Variants in EIF2AK3 observed in about 807,000 individuals in gnomAD.
The protein encoded by EIF2AK3 is eukaryotic translation initiation factor 2 alpha kinase 3, also known as eukaryotic translation initiation factor 2-alpha kinase 3.
Under a neutral mutation model 113.5 loss-of-function variants are expected in EIF2AK3, and 50 were observed. The observed-to-expected ratio is 0.44, with a 90% confidence interval of 0.35 to 0.56. EIF2AK3 has a LOEUF of 0.56. Ranked by LOEUF, EIF2AK3 falls within the 20% of genes least tolerant of loss-of-function variation. The pLI is 0.00. For synonymous variants in EIF2AK3, 448 were observed against 495.4 expected, an observed-to-expected ratio of 0.90 and a Z score of 1.27; for missense variants, 1,185 against 1,378.0, an observed-to-expected ratio of 0.86 and a Z score of 2.22.
At chr2:88,627,538 T>C (rs890774467), upstream of EIF2AK3, 7 of 386,038 alleles carry the variant, frequency 1.8e-5, no homozygotes, top group African/African-American at 4.2e-5. Flanking sequence ...TGCCACTCCA[T>C]GTTCCCAGGC....
intron 2 of EIF2AK3, among the ~76,000 whole-genome samples, chr2:88,602,726 T>C (rs1290484017): frequency 1.3e-5 from 2 of 152,100 alleles, no homozygotes; most frequent in East Asian, 1.9e-4. Flanking sequence ...ATTAATGTTC[T>C]CACTTGTAAG....
In EIF2AK3 at chr2:88,590,570, C is replaced by G. The variant is rs1674860699; in HGVS notation, c.1038G>C (p.Lys346Asn). ...CTPIASAWLL[K>N]DGKVIPISLF... The stretch of plus-strand genomic sequence containing the variant: ...GACTGATGGGAATGACTTTCCCATC[C>G]TTAAGTAACCAGGCAGATGCAATTG... Residue 346 changes from lysine to asparagine, a missense_variant, in exon 6 of 17, where the codon AAG (lysine) becomes AAC (asparagine). Transcript: ENST00000303236. 26 of 1,613,138 alleles carry G rather than the reference C, an allele frequency of 1.6e-5. No individual in the cohort carries two copies. Among genetic ancestry groups the G allele is most frequent in the Non-Finnish European group, 2.0e-5 (24 of 1,179,930 alleles).
chr2:88,626,999 T>C lies in EIF2AK3; in HGVS notation c.276A>G (p.Pro92=). ...AGEQEPRGPE[P]DDETELRPRG... is the part of the protein sequence containing the mutation. ...GCGGTCGCAACTCTGTCTCATCGTC[T>C]GGTTCCGGACCCCGAGGCTCCTGCT... Residue 92 remains proline, a synonymous_variant, in exon 1 of 17, where the codon CCA becomes CCG. Coordinates refer to ENST00000303236, the MANE Select transcript of EIF2AK3 (RefSeq NM_004836.7). The C allele has an allele frequency of 1.2e-6, 2 of 1,609,162 alleles. No homozygotes were observed. The highest frequency in any genetic ancestry group is 1.3e-5 in the African/African-American group (1 of 74,756).
chr2:88,593,161 T>C, intron 4 of EIF2AK3, 111 bp downstream of exon 4: 3 of 1,289,674 alleles, frequency 2.3e-6, no homozygotes, highest in African/African-American at 1.5e-5. Context: ...TATATATATA[T>C]GCTTTTAAGG....
intron 9 of EIF2AK3, 54 bp from the exon 10 acceptor site, chr2:88,583,596 C>G (rs1674649290): frequency 2.3e-6 from 3 of 1,277,352 alleles, no homozygotes; most frequent in Middle Eastern, 1.8e-4. Flanking sequence ...CTGAAGTTAG[C>G]TAACAATTTT....
chr2:88,565,653 A>G (rs1457371343), intron 14 of EIF2AK3, among the ~76,000 whole-genome samples: 3 of 152,172 alleles, frequency 2.0e-5, no homozygotes, highest in Non-Finnish European at 2.9e-5. Flanking sequence ...TTTAATATCA[A>G]TTCTGTTGTA....
intron 14 of EIF2AK3, among the ~76,000 whole-genome samples, chr2:88,563,197 ACTT>A (rs1478514009): frequency 1.3e-5 from 2 of 152,234 alleles, no homozygotes; most frequent in Non-Finnish European, 2.9e-5. Context: ...CCATACCAGT[ACTT>A]CTTAACTGGG....
intron 14 of EIF2AK3, 86 bp from the exon 15 acceptor site, chr2:88,562,476 T>C (rs2104387441): frequency 9.1e-7 from 1 of 1,102,910 alleles, no homozygotes; most frequent in East Asian, 2.4e-5. Context: ...CAAAGTTTAC[T>C]TAGTCACTTC....
At chr2:88,565,034 A>G (rs1163247882) in intron 14 of EIF2AK3, among the ~76,000 whole-genome samples, 3 of 151,526 alleles carry the variant, frequency 2.0e-5, no homozygotes, top group Non-Finnish European at 4.4e-5. Flanking sequence ...ACAATTAAAA[A>G]GGTGTTTTTT....
chr2:88,586,077 T>C lies in EIF2AK3; in HGVS notation c.1430-16A>G. 6.2e-7 allele frequency: 1 copy of C among 1,608,382 alleles called. No homozygotes were observed. The highest frequency in any genetic ancestry group is 1.3e-5 in the African/African-American group (1 of 74,664). ...TAACCATTATCTTCAAATAGAAACA[T>C]TAAAACGTTTTTTTTAAAGGTAATC... On this transcript the variant is annotated splice_polypyrimidine_tract_variant and intron_variant, in intron 8 of 16. Coordinates refer to ENST00000303236, the MANE Select transcript of EIF2AK3 (RefSeq NM_004836.7).
Position 88,571,049 on chromosome 2 carries a change from G to A in EIF2AK3, c.2818-8C>T, listed in dbSNP as rs1192785617. The A allele has an allele frequency of 2.5e-6, 4 of 1,614,060 alleles. No individual in the cohort carries two copies. Among genetic ancestry groups the A allele is most frequent in the Non-Finnish European group, 2.5e-6 (3 of 1,179,966 alleles). Reference sequence around the variant, plus strand: ...AAAGAATATGTTGGATGGCTGGAAAGAATACAACAGACAAAAGTACAGTGG... The same window carrying A: ...AAAGAATATGTTGGATGGCTGGAAAAAATACAACAGACAAAAGTACAGTGG... On this transcript the variant is annotated splice_region_variant and splice_polypyrimidine_tract_variant and intron_variant, in intron 13 of 16. Transcript: ENST00000303236.
chr2:88,598,732 T>C (rs1338044241), intron 2 of EIF2AK3, among the ~76,000 whole-genome samples: 1 of 152,172 alleles, frequency 6.6e-6, no homozygotes, highest in Non-Finnish European at 1.5e-5. Flanking sequence ...TATTATTAGG[T>C]CAACTGACAA....
chr2:88,626,627 AAG>A (rs1481881072), intron 1 of EIF2AK3, among the ~76,000 whole-genome samples: 2 of 152,256 alleles, frequency 1.3e-5, no homozygotes, highest in Non-Finnish European at 2.9e-5. Context: ...CGTAAGGAAA[AAG>A]AGGGAAAGGT....
intron 2 of EIF2AK3, among the ~76,000 whole-genome samples, chr2:88,606,300 T>TA (rs533854294): frequency 0.15 from 21,742 of 146,984 alleles, 2,697 homozygotes; most frequent in African/African-American, 0.35. Context: ...GTCAATTTCC[T>TA]AAAAAAATAA....
At chr2:88,601,740 T>C (rs1675151889) in intron 2 of EIF2AK3, among the ~76,000 whole-genome samples, 1 of 152,132 alleles carries the variant, frequency 6.6e-6, no homozygotes, top group Non-Finnish European at 1.5e-5. Flanking sequence ...TTTACCATTT[T>C]AGTATTGCTT....
At chr2:88,574,449 T>C (rs1674398057) in intron 13 of EIF2AK3, 1 of 598,076 alleles carries the variant, frequency 1.7e-6, no homozygotes, top group African/African-American at 1.9e-5. Flanking sequence ...ACAAACACAT[T>C]ACTGAAGACA....
At chr2:88,587,731 GATT>G (rs1471256609) in intron 8 of EIF2AK3, among the ~76,000 whole-genome samples, 1 of 152,082 alleles carries the variant, frequency 6.6e-6, no homozygotes, top group African/African-American at 2.4e-5. Context: ...TAGATATTAG[GATT>G]ATTATTCTAA....
intron 15 of EIF2AK3, 57 bp from the exon 16 acceptor site, chr2:88,559,036 A>AT: frequency 4.1e-6 from 5 of 1,206,882 alleles, no homozygotes; most frequent in East Asian, 2.4e-5. Flanking sequence ...ACATGAAAAT[A>AT]TTTTTTGATA....
chr2:88,627,406 C>A lies in EIF2AK3; in HGVS notation c.-132G>T, dbSNP rs1313082418. The A allele has an allele frequency of 1.7e-6, 2 of 1,158,116 alleles. No individual in the cohort carries two copies. Among genetic ancestry groups the A allele is most frequent in the African/African-American group, 3.2e-5 (2 of 61,994 alleles). 71.7% of individuals were successfully genotyped at this position (1,158,116 alleles called of 1,614,324 possible). A position where few individuals can be genotyped will look rare whatever the true frequency, so the allele number is the denominator to read the frequency against. ...CGCCCCGACGGCCTGGACAGCCAGCCGTGTTCCCCTGGCCACGTCTCAGCC... is the reference window on the plus strand; with the variant it reads ...CGCCCCGACGGCCTGGACAGCCAGCAGTGTTCCCCTGGCCACGTCTCAGCC... On this transcript the variant is annotated 5_prime_UTR_variant, in exon 1 of 17. Coordinates refer to ENST00000303236, the MANE Select transcript of EIF2AK3 (RefSeq NM_004836.7).
Sources: gnomAD v4.1 joint callset for allele counts (sites outside exome capture counted in the v4.1 genomes callset) on GRCh38, gnomAD v4.1.1 for gene constraint, MANE v1.5 for transcripts, NCBI Gene and HGNC (gene_info 2026-07-23, HGNC 2026-07-21) for gene names.